DDX41: variants seen among roughly 807,000 people sequenced by gnomAD.
The protein encoded by DDX41 is DEAD-box helicase 41, also known as probable ATP-dependent RNA helicase DDX41.
In DDX41, 50 loss-of-function variants were observed where a neutral mutation model predicts 78.8. The observed-to-expected ratio is 0.63, with a 90% CI of 0.51 to 0.80. DDX41 has a LOEUF of 0.80. DDX41 is among the 30% of genes least tolerant of loss of function. DDX41 has a pLI of 0.00. For synonymous variants in DDX41, 381 were observed against 321.5 expected, an observed-to-expected ratio of 1.19 and a Z score of -1.98; for missense variants, 633 against 849.2, an observed-to-expected ratio of 0.75 and a Z score of 3.16.
In DDX41 at chr5:177,515,169, CCA is replaced by C. The variant is rs1761165410; in HGVS notation, c.644+15_644+16del. On this transcript the variant is annotated intron_variant, in intron 7 of 16. Coordinates refer to ENST00000330503, the MANE Select transcript of DDX41 (RefSeq NM_016222.4). ...CCAGCCCTCCTCAAGGACCCCAGGT[CCA>C]CAGTCCACACTCACATGGTGGGGAT... The C allele has an allele frequency of 3.7e-6, 6 of 1,613,998 alleles. No individual in the cohort carries two copies. The East Asian group carries it at 1.3e-4, about 36-fold the overall frequency.
chr5:177,513,211 A>G lies in DDX41; in HGVS notation c.1231-129T>C. The G allele has an allele frequency of 1.3e-6, 2 of 1,521,376 alleles. No homozygotes were observed. Among genetic ancestry groups the G allele is most frequent in the Non-Finnish European group, 1.8e-6 (2 of 1,120,498 alleles). 94.2% of individuals were successfully genotyped at this position (1,521,376 alleles called of 1,614,324 possible). On this transcript the variant is annotated intron_variant, in intron 11 of 16. Transcript: ENST00000330503. The surrounding 1 kb of genome is among the most constrained non-coding windows in gnomAD (Gnocchi z 4.6). ...GCCGCCAAGGGCTGGTGCCCTAAAAATGGCCCTGGTTAAGCGTCAGGGGCT... is the reference window on the plus strand; with the variant it reads ...GCCGCCAAGGGCTGGTGCCCTAAAAGTGGCCCTGGTTAAGCGTCAGGGGCT...
intron 6 of DDX41, 183 bp from the exon 7 acceptor site, chr5:177,515,441 C>A: frequency 1.1e-6 from 1 of 871,742 alleles, no homozygotes; most frequent in Non-Finnish European, 1.8e-6. Flanking sequence ...AGGCTAGGTG[C>A]AGCCAGGATT....
intron 15 of DDX41, 33 bp downstream of exon 15, chr5:177,512,289 G>A (rs773525667): frequency 6.2e-7 from 1 of 1,613,832 alleles, no homozygotes; most frequent in Non-Finnish European, 8.5e-7. Flanking sequence ...GGGACCCAGG[G>A]AACAGCTAAG....
At chr5:177,512,699 A>G (rs754781891) in intron 13 of DDX41, 54 bp from the exon 14 acceptor site, 1 of 1,613,094 alleles carries the variant, frequency 6.2e-7, no homozygotes, top group Non-Finnish European at 8.5e-7. Flanking sequence ...GGGGAGTGGC[A>G]GGCCAACCAG....
Position 177,514,040 on chromosome 5 carries a change from C to T in DDX41, c.936-193G>A. The T allele has an allele frequency of 2.8e-6, 2 of 707,936 alleles. No individual in the cohort carries two copies. The highest frequency in any genetic ancestry group is 4.1e-5 in the Admixed American group (2 of 48,344). 43.9% of individuals were successfully genotyped at this position (707,936 alleles called of 1,614,324 possible). A position where few individuals can be genotyped will look rare whatever the true frequency, so the allele number is the denominator to read the frequency against. On this transcript the variant is annotated intron_variant, in intron 9 of 16. Transcript: ENST00000330503. This position sits in a 1 kb window ranked among gnomAD's most constrained non-coding sequence, Gnocchi z 4.2. ...CCCAAGGCACTGCAGCCATCTTCAC[C>T]ACCGCTCGGCCTGGCGCGCCTTCCC...
At position 177,513,493 on chromosome 5, in the gene DDX41, G is replaced by A. The variant is rs532895566; in HGVS notation, c.1099-9C>T. On this transcript the variant is annotated splice_polypyrimidine_tract_variant and intron_variant, in intron 10 of 16. Coordinates refer to ENST00000330503, the MANE Select transcript of DDX41 (RefSeq NM_016222.4). The surrounding 1 kb of genome is among the most constrained non-coding windows in gnomAD (Gnocchi z 4.6). The stretch of plus-strand genomic sequence containing the variant: ...AGGGTCTGTCGCTGGCCCTGAGGAA[G>A]AGGGGGGCTGCGACCAAGGGCACAC... The A allele has an allele frequency of 1.4e-5, 22 of 1,614,012 alleles. No homozygotes were observed. Among genetic ancestry groups the A allele is most frequent in the African/African-American group, 9.3e-5 (7 of 74,942 alleles).
Position 177,513,862 on chromosome 5 carries a change from G to T in DDX41, c.936-15C>A. Reference sequence around the variant, plus strand: ...TGTGTACACCGCTGGGGACCAAGGAGAGACCCTGAGGTTGGGGCCACTGGC... The same window carrying T: ...TGTGTACACCGCTGGGGACCAAGGATAGACCCTGAGGTTGGGGCCACTGGC... On this transcript the variant is annotated splice_polypyrimidine_tract_variant and intron_variant, in intron 9 of 16. Coordinates refer to ENST00000330503, the MANE Select transcript of DDX41 (RefSeq NM_016222.4). This position sits in a 1 kb window ranked among gnomAD's most constrained non-coding sequence, Gnocchi z 4.6. 1 of 1,612,992 alleles carries T rather than the reference G, an allele frequency of 6.2e-7. No homozygotes were observed. The highest frequency in any genetic ancestry group is 2.2e-5 in the East Asian group (1 of 44,854).
rs1024778416 is a variant in DDX41 at position 177,513,990 on chromosome 5, C to A, written c.936-143G>T. 2 of 855,144 alleles carry A rather than the reference C, an allele frequency of 2.3e-6. No individual in the cohort carries two copies. The highest frequency in any genetic ancestry group is 1.7e-5 in the African/African-American group (1 of 59,968). 53.0% of individuals were successfully genotyped at this position (855,144 alleles called of 1,614,324 possible). On this transcript the variant is annotated intron_variant, in intron 9 of 16. Coordinates refer to ENST00000330503, the MANE Select transcript of DDX41 (RefSeq NM_016222.4). This position sits in a 1 kb window ranked among gnomAD's most constrained non-coding sequence, Gnocchi z 4.6. Reference sequence around the variant, plus strand: ...CCCTTCTCATCATTCCCACCACCTGCCCTATGTATAGCACACAGCTCTTTC... The same window carrying A: ...CCCTTCTCATCATTCCCACCACCTGACCTATGTATAGCACACAGCTCTTTC...
In DDX41 at chr5:177,515,837, A is replaced by C. The variant is rs1356876507; in HGVS notation, c.435-16T>G. The stretch of plus-strand genomic sequence containing the variant: ...TGGAGTCCAGCTGTGGATGGGTAAC[A>C]GGGATCAAGAGAGCCCTGGGAATAG... On this transcript the variant is annotated splice_polypyrimidine_tract_variant and intron_variant, in intron 5 of 16. Coordinates refer to ENST00000330503, the MANE Select transcript of DDX41 (RefSeq NM_016222.4). 1 of 1,614,078 alleles carries C rather than the reference A, an allele frequency of 6.2e-7. No individual in the cohort carries two copies. Among genetic ancestry groups the C allele is most frequent in the Non-Finnish European group, 8.5e-7 (1 of 1,180,042 alleles).
rs540333481 is a variant in DDX41 at position 177,512,900 on chromosome 5, T to C, written c.1303-24A>G. ...ACCTGTCCGGAAAGACCAACTCCAG[T>C]CAGGGGCTAACTGCCTGGGCACCCA... On this transcript the variant is annotated intron_variant, in intron 12 of 16. Transcript: ENST00000330503. The C allele has an allele frequency of 2.2e-5, 35 of 1,611,278 alleles. No individual in the cohort carries two copies. The South Asian group carries it at 3.1e-4, about 14-fold the overall frequency.
Position 177,514,093 on chromosome 5 carries a change from G to A in DDX41, c.936-246C>T, listed in dbSNP as rs978397476. The stretch of plus-strand genomic sequence containing the variant: ...TTCTCCTGGGTCAGCCTCTCACCCA[G>A]AAGCGCTGTCATCAAGCTCCAGAGG... On this transcript the variant is annotated intron_variant, in intron 9 of 16. Coordinates refer to ENST00000330503, the MANE Select transcript of DDX41 (RefSeq NM_016222.4). The surrounding 1 kb of genome is among the most constrained non-coding windows in gnomAD (Gnocchi z 4.2). 4 of 663,368 alleles carry A rather than the reference G, an allele frequency of 6.0e-6. No homozygotes were observed. The African/African-American group carries it at 7.1e-5, about 12-fold the overall frequency. 41.1% of individuals were successfully genotyped at this position (663,368 alleles called of 1,614,324 possible).
In DDX41 at chr5:177,513,601, G is replaced by A. The variant is rs1261170478; in HGVS notation, c.1098+84C>T. The A allele has an allele frequency of 6.2e-7, 1 of 1,603,150 alleles. No homozygotes were observed. Among genetic ancestry groups the A allele is most frequent in the Non-Finnish European group, 8.5e-7 (1 of 1,172,366 alleles). The stretch of plus-strand genomic sequence containing the variant: ...CAAAGTATGAGCAGTGGGTTGGGGT[G>A]GCCAGGGGCATGGGGTCCCTGCAGT... On this transcript the variant is annotated intron_variant, in intron 10 of 16. Transcript: ENST00000330503. The surrounding 1 kb of genome is among the most constrained non-coding windows in gnomAD (Gnocchi z 4.6).
In DDX41 at chr5:177,512,068, G is replaced by T. The variant is rs1488520716; in HGVS notation, c.1732+28C>A. On this transcript the variant is annotated intron_variant, in intron 16 of 16. Coordinates refer to ENST00000330503, the MANE Select transcript of DDX41 (RefSeq NM_016222.4). ...CCCCTCCTTGCCACCTGCCGGCTGG[G>T]GACTCGGGGATCCCGCTCTGCAGTC... 3.7e-6 allele frequency: 6 copies of T among 1,610,552 alleles called. No homozygotes were observed. The African/African-American group carries it at 8.0e-5, about 22-fold the overall frequency.
Position 177,513,558 on chromosome 5 carries a change from C to T in DDX41, c.1099-74G>A. ...GGGCATGGGGTCTGGGGAAGCTGAG[C>T]AACTGAGACACAGCCCACAAAGTAT... On this transcript the variant is annotated intron_variant, in intron 10 of 16. Transcript: ENST00000330503. The surrounding 1 kb of genome is among the most constrained non-coding windows in gnomAD (Gnocchi z 4.6). 1 of 1,609,794 alleles carries T rather than the reference C, an allele frequency of 6.2e-7. No individual in the cohort carries two copies. Among genetic ancestry groups the T allele is most frequent in the Non-Finnish European group, 8.5e-7 (1 of 1,177,164 alleles).
rs748703307 is a variant in DDX41 at position 177,515,946 on chromosome 5, A to C, written c.417T>G (p.Asp139Glu). ...AGACATACCTGGTTTTGATGGGGTC[A>C]TCATACGTAATGCCCTTAGCCATCT... ...VKEMAKGITY[D>E]DPIKTSWTPP... is the part of the protein sequence containing the mutation. Residue 139 changes from aspartate to glutamate, a missense_variant, in exon 5 of 17, where the codon GAT (aspartate) becomes GAG (glutamate). Asp to Glu is a conservative substitution (Grantham distance 45, BLOSUM62 2). Coordinates refer to ENST00000330503, the MANE Select transcript of DDX41 (RefSeq NM_016222.4). The C allele has an allele frequency of 1.2e-6, 2 of 1,614,214 alleles. No homozygotes were observed. The highest frequency in any genetic ancestry group is 1.7e-6 in the Non-Finnish European group (2 of 1,180,034).
At chr5:177,515,336 A>G (rs778866271) in intron 6 of DDX41, 78 bp from the exon 7 acceptor site, 3 of 1,386,982 alleles carry the variant, frequency 2.2e-6, no homozygotes, top group East Asian at 2.3e-5. Context: ...AACTGGCACT[A>G]CCCCTACAAG....
chr5:177,513,239 G>C lies in DDX41; in HGVS notation c.1230+114C>G. 6.4e-7 allele frequency: 1 copy of C among 1,550,446 alleles called. No individual in the cohort carries two copies. The highest frequency in any genetic ancestry group is 1.4e-5 in the African/African-American group (1 of 73,370). ...GCCCTGGTTAAGCGTCAGGGGCTTT[G>C]AATGAAACCCCCGGTTCCCACAAGG... On this transcript the variant is annotated intron_variant, in intron 11 of 16. Coordinates refer to ENST00000330503, the MANE Select transcript of DDX41 (RefSeq NM_016222.4). The surrounding 1 kb of genome is among the most constrained non-coding windows in gnomAD (Gnocchi z 4.6).
rs763708504 is a variant in DDX41, at chr5:177,513,504, C to T, written c.1099-20G>A. ...CTGGCCCTGAGGAAGAGGGGGGCTG[C>T]GACCAAGGGCACACAGGGCTGGGCT... is the stretch of plus-strand genomic sequence containing the variant. On this transcript the variant is annotated intron_variant, in intron 10 of 16. Transcript: ENST00000330503. This position sits in a 1 kb window ranked among gnomAD's most constrained non-coding sequence, Gnocchi z 4.6. The T allele has an allele frequency of 5.3e-5, 86 of 1,613,806 alleles. No homozygotes were observed. Among genetic ancestry groups the T allele is most frequent in the Non-Finnish European group, 6.5e-5 (77 of 1,179,994 alleles).
intron 1 of DDX41, 22 bp downstream of exon 1, chr5:177,516,897 C>T (rs1761265462): frequency 6.2e-7 from 1 of 1,613,222 alleles, no homozygotes; most frequent in African/African-American, 1.3e-5. Flanking sequence ...CCCACACGCG[C>T]GGGGTCTCGC....
Sources: gnomAD v4.1 joint callset for allele counts on GRCh38, gnomAD v4.1.1 for gene constraint, Gnocchi (gnomAD v3.1) non-coding constraint, MANE v1.5 for transcripts, NCBI Gene and HGNC (gene_info 2026-07-23, HGNC 2026-07-21) for gene names.